PITPNA: variants seen among roughly 807,000 people sequenced by gnomAD.
PITPNA encodes phosphatidylinositol transfer protein alpha isoform.
Under a neutral mutation model 50.3 loss-of-function variants are expected in PITPNA, and 13 were observed. The observed-to-expected ratio is 0.26, with a 90% CI of 0.17 to 0.41. The LOEUF (loss-of-function observed/expected upper bound fraction) is 0.41. PITPNA is among the 10% of genes least tolerant of loss of function. The probability of loss-of-function intolerance (pLI) is 1.00; values close to 1 mark genes in which losing one functional copy is unlikely to be tolerated. For missense variants in PITPNA, 207 were observed against 333.4 expected, an observed-to-expected ratio of 0.62 and a Z score of 2.95; for synonymous variants, 120 against 119.6, an observed-to-expected ratio of 1.00 and a Z score of -0.02.
At position 1,562,285 on chromosome 17, in the gene PITPNA, A is replaced by C. The variant is rs1369182613; in HGVS notation, c.20+256T>G. ...CCATGCCCCGTGGGCCCCGGCTCAG[A>C]TGCCGAACGCCCCGGCTGCCCCTCC... is the stretch of plus-strand genomic sequence containing the variant. On this transcript the variant is annotated intron_variant, in intron 1 of 11. Transcript: ENST00000313486. The surrounding 1 kb of genome is among the most constrained non-coding windows in gnomAD (Gnocchi z 6.4). Among the ~76,000 whole-genome samples the C allele has an allele frequency of 6.8e-6, 1 of 147,574 alleles. No homozygotes were observed. Among genetic ancestry groups the C allele is most frequent in the East Asian group, 2.0e-4 (1 of 4,940 alleles).
At chr17:1,536,559 G>A (rs1280895545) in intron 7 of PITPNA, among the ~76,000 whole-genome samples, 1 of 151,448 alleles carries the variant, frequency 6.6e-6, no homozygotes, top group Non-Finnish European at 1.5e-5. Flanking sequence ...ACAGTGCTGG[G>A]ATTACAGGCG....
intron 4 of PITPNA, 81 bp downstream of exon 4, chr17:1,548,215 G>A: frequency 1.1e-6 from 1 of 889,104 alleles, no homozygotes; most frequent in Non-Finnish European, 1.8e-6. Context: ...CCTTTCCCTG[G>A]CCTAATCCGG....
intron 10 of PITPNA, among the ~76,000 whole-genome samples, chr17:1,522,992 T>C (rs953986113): frequency 6.6e-6 from 1 of 152,052 alleles, no homozygotes; most frequent in Non-Finnish European, 1.5e-5. Context: ...CTGACCTGTT[T>C]AAAGGTGGGC....
rs756099818 is a variant in PITPNA, at chr17:1,558,545, G to A, written c.35C>T (p.Pro12Leu). ...VLLKEYRVIL[P>L]VSVDEYQVGQ... is the part of the protein sequence containing the mutation. ...AGGACTTACCTCATCTACAGACACA[G>A]GCAGGATTACTCGACTATAAGAAAG... The change falls in exon 2 of 12, where the codon CCT (proline) becomes CTT (leucine). Residue 12 changes from proline (P) to leucine (L), a missense_variant. Transcript: ENST00000313486. 1 of 1,604,456 alleles carries A rather than the reference G, an allele frequency of 6.2e-7. No homozygotes were observed. Among genetic ancestry groups the A allele is most frequent in the Non-Finnish European group, 8.5e-7 (1 of 1,172,198 alleles).
At chr17:1,526,748 AATTC>A (rs2075550513) in intron 10 of PITPNA, among the ~76,000 whole-genome samples, 1 of 152,060 alleles carries the variant, frequency 6.6e-6, no homozygotes, top group Non-Finnish European at 1.5e-5. Flanking sequence ...ACTGAAATAA[AATTC>A]ATTACTTCAA....
At chr17:1,543,832 T>C (rs2075660091) in intron 4 of PITPNA, among the ~76,000 whole-genome samples, 1 of 152,156 alleles carries the variant, frequency 6.6e-6, no homozygotes, top group Non-Finnish European at 1.5e-5. Context: ...GAAAGACACT[T>C]AGAAGGAAGC....
At chr17:1,537,163 A>C (rs1323972014) in intron 7 of PITPNA, among the ~76,000 whole-genome samples, 2 of 151,774 alleles carry the variant, frequency 1.3e-5, no homozygotes, top group East Asian at 1.9e-4. Context: ...TCCTGGGTTC[A>C]AGCGATTCTC....
chr17:1,539,028 G>T, intron 6 of PITPNA, 76 bp from the exon 7 acceptor site: 1 of 848,632 alleles, frequency 1.2e-6, no homozygotes, highest in Non-Finnish European at 2.0e-6. Context: ...TGGACACCTA[G>T]GAACTGCCAT....
chr17:1,549,127 T>C (rs2075694283), intron 3 of PITPNA, among the ~76,000 whole-genome samples: 1 of 151,620 alleles, frequency 6.6e-6, no homozygotes, highest in African/African-American at 2.4e-5. Context: ...AGGCTGGTCT[T>C]GAACTCCTGA....
chr17:1,556,083 A>G lies in PITPNA; in HGVS notation c.51+2446T>C, dbSNP rs147724852. Among the ~76,000 whole-genome samples the G allele has an allele frequency of 5.1e-4, 77 of 152,340 alleles. 1 individual carries two copies. Among genetic ancestry groups the G allele is most frequent in the African/African-American group, 1.6e-3 (68 of 41,580 alleles). On this transcript the variant is annotated intron_variant, in intron 2 of 11. Coordinates refer to ENST00000313486, the MANE Select transcript of PITPNA (RefSeq NM_006224.4). ...TCACAAGATGCTGAGCTGTTCCCAT[A>G]GAAACTGTTAAGTCAGGATGGGGAT...
chr17:1,561,594 T>C (rs1057319085), intron 1 of PITPNA, among the ~76,000 whole-genome samples: 3 of 151,986 alleles, frequency 2.0e-5, no homozygotes, highest in Admixed American at 2.0e-4. Flanking sequence ...CTTCGGACCC[T>C]ACCCAACATT....
intron 4 of PITPNA, among the ~76,000 whole-genome samples, chr17:1,544,901 G>A (rs973358271): frequency 2.0e-5 from 3 of 152,182 alleles, no homozygotes; most frequent in South Asian, 2.1e-4. Flanking sequence ...GCTGAGGCAG[G>A]AGAATTGCTT....
At chr17:1,550,629 G>A (rs975257907) in intron 3 of PITPNA, among the ~76,000 whole-genome samples, 2 of 151,996 alleles carry the variant, frequency 1.3e-5, no homozygotes, top group Non-Finnish European at 2.9e-5. Flanking sequence ...CCTGGGCTCA[G>A]GTGATCCTCC....
At position 1,562,610 on chromosome 17, in the gene PITPNA, G is replaced by A. The variant is rs758638289; in HGVS notation, c.-50C>T. 2.5e-6 allele frequency: 3 copies of A among 1,205,252 alleles called. No homozygotes were observed. In the South Asian group the frequency reaches 1.0e-4, roughly 41 times the overall value. The allele number at this position is 1,205,252 out of a possible 1,614,324, so 74.7% of individuals were successfully genotyped here. ...CCGCGGCCCGCCCGGCCTCCCGCCC[G>A]CTGCCCGCCGGCCGCTCTCCCCGTG... On this transcript the variant is annotated 5_prime_UTR_variant, in exon 1 of 12. Transcript: ENST00000313486. This position sits in a 1 kb window ranked among gnomAD's most constrained non-coding sequence, Gnocchi z 6.4.
chr17:1,543,100 C>A lies in PITPNA; in HGVS notation c.290-73G>T, dbSNP rs551254509. The stretch of plus-strand genomic sequence containing the variant: ...AGATGAAGAAATATCTGCCCCCCAC[C>A]CCCCACAAGGAGGACGAATGGCAGA... On this transcript the variant is annotated intron_variant, in intron 4 of 11. Transcript: ENST00000313486. 5.8e-5 allele frequency: 71 copies of A among 1,214,338 alleles called. No homozygotes were observed. In the Admixed American group the frequency reaches 1.1e-3, roughly 20 times the overall value. 75.2% of individuals were successfully genotyped at this position (1,214,338 alleles called of 1,614,324 possible).
At chr17:1,550,272 T>C (rs912008734) in intron 3 of PITPNA, among the ~76,000 whole-genome samples, 21 of 152,298 alleles carry the variant, frequency 1.4e-4, no homozygotes, top group Admixed American at 9.2e-4. Context: ...TGTAAGTTCA[T>C]GCCATAATGC....
At chr17:1,548,773 G>T (rs1031982966) in intron 3 of PITPNA, among the ~76,000 whole-genome samples, 4 of 152,208 alleles carry the variant, frequency 2.6e-5, no homozygotes, top group African/African-American at 4.8e-5. Flanking sequence ...TAGGGCCAGG[G>T]TAACTAGCCG....
intron 10 of PITPNA, among the ~76,000 whole-genome samples, chr17:1,525,134 T>G (rs2075539884): frequency 6.6e-6 from 1 of 151,170 alleles, no homozygotes; most frequent in African/African-American, 2.4e-5. Context: ...GGATTACAAG[T>G]GCACACCACC....
chr17:1,559,854 A>AAACAAC (rs757447002), intron 1 of PITPNA: 28 of 760,616 alleles, frequency 3.7e-5, no homozygotes, highest in Non-Finnish European at 3.8e-5. Context: ...AGAGCAACTC[A>AAACAAC]AACAACATAA....
Sources: allele counts gnomAD v4.1 joint callset (sites outside exome capture counted in the v4.1 genomes callset), GRCh38; gene constraint gnomAD v4.1.1; non-coding constraint Gnocchi (gnomAD v3.1); transcripts MANE v1.5; gene names NCBI Gene and HGNC (gene_info 2026-07-23, HGNC 2026-07-21).